The following SHB variants were observed in gnomAD, a reference collection of about 807,000 sequenced individuals.
The protein encoded by SHB is SH2 domain-containing adapter protein B.
In SHB, 20 loss-of-function variants were observed where a neutral mutation model predicts 52.3. The observed-to-expected ratio is 0.38, with a 90% CI of 0.27 to 0.56. The LOEUF (loss-of-function observed/expected upper bound fraction) is 0.56, where lower values mean the gene tolerates loss of function less well. Among genes scored for constraint, SHB ranks in the 20% least tolerant of loss-of-function variants. The pLI is 0.71. For missense variants in SHB, 825 were observed against 723.3 expected (o/e 1.14, Z -1.61); for synonymous variants, 397 against 316.5 (o/e 1.25, Z -2.70).
rs1230324746 is a variant in SHB, at chr9:37,948,842, G to A, written c.1227-88C>T. ...CCTTGGGAGACTCAGCACCCGCAGAGAGCCTCCCTGTACAAGCAGGCATGC... is the reference window on the plus strand; with the variant it reads ...CCTTGGGAGACTCAGCACCCGCAGAAAGCCTCCCTGTACAAGCAGGCATGC... On this transcript the variant is annotated intron_variant, in intron 4 of 5. Transcript: ENST00000377707. 6.5e-6 allele frequency: 10 copies of A among 1,541,484 alleles called. No individual in the cohort carries two copies. In the Admixed American group the frequency reaches 8.6e-5, roughly 13 times the overall value.
chr9:38,031,732 G>A (rs1452388139), intron 1 of SHB, among the ~76,000 whole-genome samples: 2 of 152,152 alleles, frequency 1.3e-5, no homozygotes, highest in Non-Finnish European at 1.5e-5. Context: ...TGTATGAATC[G>A]GGCCCAGAAT....
At chr9:37,981,402 C>A (rs1197322226) in intron 2 of SHB, among the ~76,000 whole-genome samples, 2 of 152,228 alleles carry the variant, frequency 1.3e-5, no homozygotes, top group Non-Finnish European at 2.9e-5. Flanking sequence ...ACTCTCTCAG[C>A]CTTCACAGAA....
At chr9:38,019,405 C>T (rs1186373671) in intron 1 of SHB, among the ~76,000 whole-genome samples, 1 of 152,230 alleles carries the variant, frequency 6.6e-6, no homozygotes, top group Non-Finnish European at 1.5e-5. Context: ...GGGATGGCCT[C>T]TCCATGCCTC....
chr9:38,066,173 T>C (rs781203884), intron 1 of SHB, among the ~76,000 whole-genome samples: 3 of 152,262 alleles, frequency 2.0e-5, no homozygotes, highest in Non-Finnish European at 2.9e-5. Flanking sequence ...ACATCCTGGC[T>C]ATAAAACAAA....
At chr9:38,007,483 C>T (rs534721754) in intron 2 of SHB, among the ~76,000 whole-genome samples, 1 of 152,296 alleles carries the variant, frequency 6.6e-6, no homozygotes, top group East Asian at 1.9e-4. Context: ...CCAACTCCCA[C>T]CCTGACGCCA....
intron 1 of SHB, among the ~76,000 whole-genome samples, chr9:38,032,629 G>A (rs921550642): frequency 2.6e-5 from 4 of 152,212 alleles, no homozygotes; most frequent in Admixed American, 6.5e-5. Flanking sequence ...ACCTGGGGAA[G>A]CAGTGCTTCC....
chr9:37,922,833 AG>A (rs1286235507), intron 5 of SHB, among the ~76,000 whole-genome samples: 1 of 152,132 alleles, frequency 6.6e-6, no homozygotes, highest in Non-Finnish European at 1.5e-5. Flanking sequence ...CTGCATCCAC[AG>A]GGAGGCTGAC....
chr9:37,959,441 A>G lies in SHB; in HGVS notation c.1055-3387T>C, dbSNP rs372894782. Among the ~76,000 whole-genome samples, 6 of 152,186 alleles carry G rather than the reference A, an allele frequency of 3.9e-5. No individual in the cohort carries two copies. The East Asian group carries it at 5.8e-4, about 15-fold the overall frequency. ...CTTGCCCTGGCATAGGAAGGGGACT[A>G]AGCTGGAAGTGAGGTTCTAGGCTTA... is the stretch of plus-strand genomic sequence containing the variant. On this transcript the variant is annotated intron_variant, in intron 3 of 5. Coordinates refer to ENST00000377707, the MANE Select transcript of SHB (RefSeq NM_003028.3).
chr9:38,058,621 C>T (rs1821850733), intron 1 of SHB, among the ~76,000 whole-genome samples: 1 of 152,208 alleles, frequency 6.6e-6, no homozygotes, highest in African/African-American at 2.4e-5. Context: ...CTGCCCCCAT[C>T]TCATGCAGGG....
intron 2 of SHB, among the ~76,000 whole-genome samples, chr9:37,993,288 A>G (rs968984482): frequency 6.6e-6 from 1 of 152,168 alleles, no homozygotes; most frequent in African/African-American, 2.4e-5. Flanking sequence ...GTGTTAAACA[A>G]GAAAAAGGAA....
intron 5 of SHB, among the ~76,000 whole-genome samples, chr9:37,948,231 A>G (rs1234815084): frequency 2.6e-5 from 4 of 152,190 alleles, no homozygotes; most frequent in Non-Finnish European, 2.9e-5. Flanking sequence ...CACTTGGGCC[A>G]GCCACACCCA....
chr9:37,956,704 C>A (rs1168143574), intron 3 of SHB, among the ~76,000 whole-genome samples: 2 of 152,300 alleles, frequency 1.3e-5, no homozygotes, highest in East Asian at 3.9e-4. Flanking sequence ...GGAGGATGCT[C>A]CTTGAGGGAG....
chr9:37,955,664 T>C (rs1297885718), intron 4 of SHB, among the ~76,000 whole-genome samples: 3 of 152,018 alleles, frequency 2.0e-5, no homozygotes, highest in Non-Finnish European at 4.4e-5. Context: ...TTTTTTTTCT[T>C]TTTTTTGTAG....
At chr9:38,001,416 T>A (rs1014823130) in intron 2 of SHB, among the ~76,000 whole-genome samples, 2 of 152,232 alleles carry the variant, frequency 1.3e-5, no homozygotes, top group African/African-American at 4.8e-5. Flanking sequence ...ATGGCTAGTG[T>A]CAAACCCAGG....
chr9:38,051,746 A>T (rs1425074160), intron 1 of SHB, among the ~76,000 whole-genome samples: 4 of 152,128 alleles, frequency 2.6e-5, no homozygotes, highest in Non-Finnish European at 5.9e-5. Flanking sequence ...GATCTTTACA[A>T]AGCGTTTCTT....
chr9:37,982,724 G>C (rs1820749908), intron 2 of SHB, among the ~76,000 whole-genome samples: 1 of 151,974 alleles, frequency 6.6e-6, no homozygotes, highest in African/African-American at 2.4e-5. Flanking sequence ...ACTTGAACCT[G>C]GTAGGCGGAG....
intron 1 of SHB, among the ~76,000 whole-genome samples, chr9:38,042,761 G>A (rs1821599643): frequency 6.6e-6 from 1 of 152,132 alleles, no homozygotes; most frequent in African/African-American, 2.4e-5. Context: ...GGCTTTCCTG[G>A]GGCGACCTGG....
chr9:37,987,369 G>T (rs182981944), intron 2 of SHB, among the ~76,000 whole-genome samples: 41 of 152,366 alleles, frequency 2.7e-4, no homozygotes, highest in Non-Finnish European at 5.3e-4. Flanking sequence ...CAGCCACAGG[G>T]CAAGCGAGGA....
At position 37,918,749 on chromosome 9, in the gene SHB, A is replaced by G. The variant is rs766585524; in HGVS notation, c.*1072T>C. ...AATACCTCCCAGGTGGTGCTAACAGATAGTGGGGAGAGAGCCCTTTGTAGC... is the reference window on the plus strand; with the variant it reads ...AATACCTCCCAGGTGGTGCTAACAGGTAGTGGGGAGAGAGCCCTTTGTAGC... On this transcript the variant is annotated 3_prime_UTR_variant, in exon 6 of 6. Coordinates refer to ENST00000377707, the MANE Select transcript of SHB (RefSeq NM_003028.3). Among the ~76,000 whole-genome samples, 4 of 152,204 alleles carry G rather than the reference A, an allele frequency of 2.6e-5. No individual in the cohort carries two copies. Among genetic ancestry groups the G allele is most frequent in the Non-Finnish European group, 5.9e-5 (4 of 68,038 alleles).
Sources: gnomAD v4.1 joint callset for allele counts (sites outside exome capture counted in the v4.1 genomes callset) on GRCh38, gnomAD v4.1.1 for gene constraint, MANE v1.5 for transcripts, NCBI Gene and HGNC (gene_info 2026-07-23, HGNC 2026-07-21) for gene names.